Variants in MNAT1 observed in about 807,000 individuals in gnomAD.
The protein encoded by MNAT1 is MNAT1 component of CDK activating kinase.
MNAT1 carries 43 observed loss-of-function variants against 42.0 expected under a neutral mutation model. The ratio of observed to expected loss-of-function variants is 1.02; its 90% CI spans 0.80 to 1.32. The LOEUF (loss-of-function observed/expected upper bound fraction) is 1.32, where lower values mean the gene tolerates loss of function less well. Among genes scored for constraint, MNAT1 ranks in the 40% most tolerant of loss-of-function variants. The pLI is 0.00. For synonymous variants in MNAT1, 118 were observed against 120.0 expected (o/e 0.98, Z 0.11); for missense variants, 306 against 350.4 (o/e 0.87, Z 1.01).
intron 1 of MNAT1, among the ~76,000 whole-genome samples, chr14:60,748,487 T>A (rs557354523): frequency 6.6e-6 from 1 of 152,334 alleles, no homozygotes; most frequent in Admixed American, 6.5e-5. Context: ...CGCCTTGGCC[T>A]CCCAAAGTGC....
At position 60,734,929 on chromosome 14, in the gene MNAT1, G is replaced by A. The variant is rs1201553175; in HGVS notation, c.67G>A (p.Val23Met). Residue 23 changes from valine (V) to methionine (M), a missense_variant, in exon 1 of 8, where the codon GTG (valine) becomes ATG (methionine). Val to Met is a conservative substitution (Grantham distance 21). Coordinates refer to ENST00000261245, the MANE Select transcript of MNAT1 (RefSeq NM_002431.4). The surrounding 1 kb of genome is among the most constrained non-coding windows in gnomAD (Gnocchi z 4.3). ...TCGGAACCCCTCCTTGAAGCTGATG[G>A]TGAATGTGTGCGGACACACTCTGTG... is the stretch of plus-strand genomic sequence containing the variant. Reference protein sequence around the residue: ...KYRNPSLKLMVNVCGHTLCES... With the variant: ...KYRNPSLKLMMNVCGHTLCES... The A allele has an allele frequency of 1.2e-6, 2 of 1,614,200 alleles. No homozygotes were observed. The highest frequency in any genetic ancestry group is 4.5e-5 in the East Asian group (2 of 44,886).
intron 1 of MNAT1, among the ~76,000 whole-genome samples, chr14:60,782,520 A>T (rs536705382): frequency 2.0e-5 from 3 of 152,170 alleles, no homozygotes; most frequent in Non-Finnish European, 2.9e-5. Flanking sequence ...ATCCTTTAAC[A>T]GTTGTAATCC....
At chr14:60,824,619 G>A (rs1351415314) in intron 6 of MNAT1, among the ~76,000 whole-genome samples, 3 of 152,114 alleles carry the variant, frequency 2.0e-5, no homozygotes, top group Admixed American at 1.3e-4. Context: ...TATTAGATAT[G>A]TTTCCATGGG....
intron 7 of MNAT1, among the ~76,000 whole-genome samples, chr14:60,902,933 G>A (rs1449956495): frequency 6.6e-6 from 1 of 151,706 alleles, no homozygotes; most frequent in African/African-American, 2.4e-5. Flanking sequence ...TTTTTATCTA[G>A]GAGTCAGTCA....
At chr14:60,826,304 G>T (rs2033050884) in intron 6 of MNAT1, among the ~76,000 whole-genome samples, 1 of 128,892 alleles carries the variant, frequency 7.8e-6, no homozygotes, top group South Asian at 2.5e-4. Flanking sequence ...ATGAATAGGA[G>T]AAATTTTTTT....
chr14:60,838,546 G>A (rs1350032342), intron 6 of MNAT1, among the ~76,000 whole-genome samples: 1 of 152,140 alleles, frequency 6.6e-6, no homozygotes, highest in East Asian at 1.9e-4. Flanking sequence ...GTTTCTAAAG[G>A]TGGAAGGGAT....
At chr14:60,818,907 T>C in intron 6 of MNAT1, 60 bp downstream of exon 6, 4 of 1,553,906 alleles carry the variant, frequency 2.6e-6, no homozygotes, top group Non-Finnish European at 3.5e-6. Context: ...TGCTTTATAA[T>C]TTTACACGAT....
chr14:60,760,429 A>G (rs2030554107), intron 1 of MNAT1, among the ~76,000 whole-genome samples: 1 of 152,164 alleles, frequency 6.6e-6, no homozygotes, highest in African/African-American at 2.4e-5. Context: ...TAAAGGCTCT[A>G]TTAGTTTTAA....
chr14:60,946,854 C>T (rs559098294), intron 7 of MNAT1, among the ~76,000 whole-genome samples: 1 of 152,348 alleles, frequency 6.6e-6, no homozygotes, highest in African/African-American at 2.4e-5. Flanking sequence ...ACCACACACT[C>T]AGTGGCTTAA....
chr14:60,784,037 T>C (rs1188077604), intron 1 of MNAT1, among the ~76,000 whole-genome samples: 1 of 151,886 alleles, frequency 6.6e-6, no homozygotes, highest in African/African-American at 2.4e-5. Context: ...GATGGAGTCT[T>C]GCTCTGTCGC....
chr14:60,796,423 G>A lies in MNAT1; in HGVS notation c.242+54G>A. ...CAACAAAGAGGACTTTAACAATTAT[G>A]TCAGTAATTGATTATTATTTGCTCA... On this transcript the variant is annotated intron_variant, in intron 2 of 7. Transcript: ENST00000261245. 6.1e-6 allele frequency: 9 copies of A among 1,466,146 alleles called. No individual in the cohort carries two copies. In the South Asian group the frequency reaches 1.2e-4, roughly 19 times the overall value. The allele number at this position is 1,466,146 out of a possible 1,614,324, so 90.8% of individuals were successfully genotyped here.
Position 60,932,479 on chromosome 14 carries a change from G to C in MNAT1, c.810-35750G>C, listed in dbSNP as rs377752780. Among the ~76,000 whole-genome samples the C allele has an allele frequency of 1.4e-4, 22 of 151,946 alleles. No individual in the cohort carries two copies. The South Asian group carries it at 2.9e-3, about 20-fold the overall frequency. ...GTTTTTTCCCTCCTTTAAAGACATGGTTAAATAATGATTAATATAGTTCAA... is the reference window on the plus strand; with the variant it reads ...GTTTTTTCCCTCCTTTAAAGACATGCTTAAATAATGATTAATATAGTTCAA... On this transcript the variant is annotated intron_variant, in intron 7 of 7. Coordinates refer to ENST00000261245, the MANE Select transcript of MNAT1 (RefSeq NM_002431.4).
At chr14:60,945,193 A>G (rs1198938425) in intron 7 of MNAT1, among the ~76,000 whole-genome samples, 1 of 152,174 alleles carries the variant, frequency 6.6e-6, no homozygotes, top group Non-Finnish European at 1.5e-5. Context: ...TTCCAAACCT[A>G]TAGCTTCCTA....
chr14:60,768,576 G>A (rs940004984), intron 1 of MNAT1, among the ~76,000 whole-genome samples: 3 of 152,160 alleles, frequency 2.0e-5, no homozygotes, highest in Non-Finnish European at 4.4e-5. Context: ...ACCTGGGAGG[G>A]TTTTAAAAAT....
chr14:60,832,049 G>A (rs548327023), intron 6 of MNAT1, among the ~76,000 whole-genome samples: 1 of 151,990 alleles, frequency 6.6e-6, no homozygotes, highest in Non-Finnish European at 1.5e-5. Context: ...TTGTAAATTT[G>A]TGTAAGTTCC....
At chr14:60,815,137 T>C (rs2032671385) in intron 5 of MNAT1, among the ~76,000 whole-genome samples, 1 of 152,180 alleles carries the variant, frequency 6.6e-6, no homozygotes, top group African/African-American at 2.4e-5. Flanking sequence ...TAACATTTTA[T>C]GTTCCATCTA....
chr14:60,899,593 C>A (rs2035030744), intron 7 of MNAT1, among the ~76,000 whole-genome samples: 1 of 152,100 alleles, frequency 6.6e-6, no homozygotes, highest in Non-Finnish European at 1.5e-5. Flanking sequence ...TCTATTAGCA[C>A]TATTAATTTT....
chr14:60,898,565 GA>G (rs1416562477), intron 7 of MNAT1, among the ~76,000 whole-genome samples: 2 of 151,898 alleles, frequency 1.3e-5, no homozygotes, highest in Non-Finnish European at 2.9e-5. Context: ...GTCTTCTTTT[GA>G]AAAAGTTTCT....
intron 6 of MNAT1, among the ~76,000 whole-genome samples, chr14:60,820,034 A>T (rs1318228723): frequency 6.6e-6 from 1 of 152,142 alleles, no homozygotes; most frequent in Non-Finnish European, 1.5e-5. Flanking sequence ...TTTTATACAT[A>T]GTTTTAAAAT....
Sources: allele counts gnomAD v4.1 joint callset (sites outside exome capture counted in the v4.1 genomes callset), GRCh38; gene constraint gnomAD v4.1.1; non-coding constraint Gnocchi (gnomAD v3.1); transcripts MANE v1.5; gene names NCBI Gene and HGNC (gene_info 2026-07-23, HGNC 2026-07-21).